Variants in GALNT17 observed in about 807,000 individuals in gnomAD.
The protein encoded by GALNT17 is UDP-GalNAc:polypeptide N-acetylgalactosaminyltransferase-like 3.
A neutral mutation model predicts 63.7 loss-of-function variants in GALNT17; 29 were observed. The ratio of observed to expected loss-of-function variants is 0.46; its 90% CI spans 0.34 to 0.62. The LOEUF (loss-of-function observed/expected upper bound fraction) is 0.62, where lower values mean the gene tolerates loss of function less well. GALNT17 is among the 20% of genes least tolerant of loss of function. GALNT17 has a pLI of 0.01. For missense variants in GALNT17, 603 were observed against 799.6 expected, an observed-to-expected ratio of 0.75 and a Z score of 2.97; for synonymous variants, 305 against 318.3, an observed-to-expected ratio of 0.96 and a Z score of 0.45.
At chr7:71,194,847 C>T (rs534329983) in intron 1 of GALNT17, among the ~76,000 whole-genome samples, 2 of 152,302 alleles carry the variant, frequency 1.3e-5, no homozygotes, top group East Asian at 3.9e-4. Context: ...GGTGCTGTCT[C>T]AGATTTGTAC....
At chr7:71,254,085 A>T (rs183206763) in intron 1 of GALNT17, among the ~76,000 whole-genome samples, 13 of 152,306 alleles carry the variant, frequency 8.5e-5, no homozygotes, top group African/African-American at 3.1e-4. Context: ...GTGCATTGGC[A>T]CTGTCCTGAA....
chr7:71,644,826 G>A (rs1790652889), intron 6 of GALNT17, among the ~76,000 whole-genome samples: 1 of 152,012 alleles, frequency 6.6e-6, no homozygotes, highest in Non-Finnish European at 1.5e-5. Context: ...AGAGTGCTGG[G>A]GGCAAGTCAC....
intron 5 of GALNT17, among the ~76,000 whole-genome samples, chr7:71,452,616 G>T (rs1787284126): frequency 6.6e-6 from 1 of 152,154 alleles, no homozygotes; most frequent in Admixed American, 6.5e-5. Flanking sequence ...ATGGCTGTTG[G>T]ATAAAAAAGT....
At chr7:71,473,554 T>C (rs2116621778) in intron 5 of GALNT17, among the ~76,000 whole-genome samples, 1 of 152,332 alleles carries the variant, frequency 6.6e-6, no homozygotes, top group African/African-American at 2.4e-5. Context: ...CTCAGTCTTA[T>C]GATCTCTATT....
intron 5 of GALNT17, among the ~76,000 whole-genome samples, chr7:71,452,436 C>T (rs575043625): frequency 5.3e-5 from 8 of 152,118 alleles, no homozygotes; most frequent in Admixed American, 5.2e-4. Context: ...ATCCCAGCTA[C>T]TCAGGAGGCT....
At chr7:71,565,609 T>A (rs1486408138) in intron 5 of GALNT17, among the ~76,000 whole-genome samples, 1 of 148,472 alleles carries the variant, frequency 6.7e-6, no homozygotes, top group Admixed American at 6.8e-5. Context: ...GTTCTGCACA[T>A]TCATTCACTC....
At chr7:71,240,728 G>C (rs1478431644) in intron 1 of GALNT17, among the ~76,000 whole-genome samples, 3 of 150,694 alleles carry the variant, frequency 2.0e-5, no homozygotes, top group Non-Finnish European at 4.4e-5. Context: ...GCAGTGGTGC[G>C]ATCTCGGCTC....
At chr7:71,396,728 T>C (rs1204631867) in intron 3 of GALNT17, among the ~76,000 whole-genome samples, 9 of 151,858 alleles carry the variant, frequency 5.9e-5, no homozygotes, top group Non-Finnish European at 1.2e-4. Flanking sequence ...CTTGATAATA[T>C]TAATGCTTGT....
chr7:71,226,448 C>G (rs1052457173), intron 1 of GALNT17, among the ~76,000 whole-genome samples: 1 of 152,140 alleles, frequency 6.6e-6, no homozygotes, highest in Non-Finnish European at 1.5e-5. Flanking sequence ...GTGGTCTAGG[C>G]CAACTCAGTC....
chr7:71,544,269 C>G (rs1249232339), intron 5 of GALNT17, among the ~76,000 whole-genome samples: 3 of 149,580 alleles, frequency 2.0e-5, no homozygotes, highest in African/African-American at 7.4e-5. Flanking sequence ...GTAGCTGGGA[C>G]TACAGGTGCC....
At chr7:71,597,335 G>A (rs902030971) in intron 6 of GALNT17, among the ~76,000 whole-genome samples, 1 of 151,902 alleles carries the variant, frequency 6.6e-6, no homozygotes, top group Non-Finnish European at 1.5e-5. Context: ...CACCGTGCCC[G>A]GCCTACAAAA....
chr7:71,676,529 G>A (rs1791152822), intron 8 of GALNT17, among the ~76,000 whole-genome samples: 1 of 151,958 alleles, frequency 6.6e-6, no homozygotes, highest in African/African-American at 2.4e-5. Flanking sequence ...GACTACAAGT[G>A]TTTGCTACCA....
intron 6 of GALNT17, among the ~76,000 whole-genome samples, chr7:71,628,980 C>G (rs1364871500): frequency 6.6e-6 from 1 of 152,072 alleles, no homozygotes; most frequent in Non-Finnish European, 1.5e-5. Flanking sequence ...GCATCTGAAC[C>G]ACTGTTCAGA....
rs145702941 is a variant in GALNT17 at position 71,335,626 on chromosome 7, G to T, written c.315G>T (p.Pro105=). 1.9e-6 allele frequency: 3 copies of T among 1,612,730 alleles called. No homozygotes were observed. Among genetic ancestry groups the T allele is most frequent in the Admixed American group, 1.7e-5 (1 of 59,872 alleles). ...GGGGCCTTCCGGCTACTCTTTCCCC[G>T]GCTGAAGAAGAAAAGGCTAAGGGAC... The part of the protein sequence containing the change: ...GKGGLPATLS[P]AEEEKAKGPH... The change falls in exon 2 of 11, where the codon CCG becomes CCT. Residue 105 remains proline (P), a synonymous_variant. Transcript: ENST00000333538.
chr7:71,278,509 A>G (rs1253997074), intron 1 of GALNT17, among the ~76,000 whole-genome samples: 2 of 152,240 alleles, frequency 1.3e-5, no homozygotes, highest in African/African-American at 4.8e-5. Context: ...CTGTCTTCAC[A>G]TGACCTTTGT....
intron 1 of GALNT17, among the ~76,000 whole-genome samples, chr7:71,199,869 C>T (rs554585424): frequency 6.6e-6 from 1 of 152,280 alleles, no homozygotes; most frequent in Admixed American, 6.5e-5. Flanking sequence ...AAAATAAGAC[C>T]ATGTCGCCAT....
chr7:71,347,231 G>T (rs1248145436), intron 2 of GALNT17, among the ~76,000 whole-genome samples: 2 of 152,116 alleles, frequency 1.3e-5, no homozygotes, highest in Non-Finnish European at 2.9e-5. Flanking sequence ...AGAGTTATAC[G>T]TGAAGGTTAA....
Position 71,420,889 on chromosome 7 carries a change from C to CTA in GALNT17, c.765-17_765-16dup. ...ACGGGAGAGAAGAGAGGTTTCATGT[C>CTA]TATTTCTCTATGTTTCAGGGCTGAG... On this transcript the variant is annotated intron_variant, in intron 4 of 10. Transcript: ENST00000333538. The CTA allele has an allele frequency of 6.4e-7, 1 of 1,559,766 alleles. No individual in the cohort carries two copies. Among genetic ancestry groups the CTA allele is most frequent in the Non-Finnish European group, 8.7e-7 (1 of 1,147,192 alleles).
At chr7:71,386,777 C>T (rs1215081793) in intron 2 of GALNT17, among the ~76,000 whole-genome samples, 1 of 152,060 alleles carries the variant, frequency 6.6e-6, no homozygotes, top group Non-Finnish European at 1.5e-5. Flanking sequence ...TAGGACTTCC[C>T]GAAGAAGAGC....
Sources: allele counts gnomAD v4.1 joint callset (sites outside exome capture counted in the v4.1 genomes callset), GRCh38; gene constraint gnomAD v4.1.1; transcripts MANE v1.5; gene names NCBI Gene and HGNC (gene_info 2026-07-23, HGNC 2026-07-21).